ANO10: variants seen among roughly 807,000 people sequenced by gnomAD.
The protein encoded by ANO10 is anoctamin 10.
In ANO10, 77 loss-of-function variants were observed where a neutral mutation model predicts 74.7. The ratio of observed to expected loss-of-function variants is 1.03; its 90% CI spans 0.86 to 1.25. The LOEUF is 1.25. ANO10 is among the 50% of genes most tolerant of loss of function. The probability of loss-of-function intolerance (pLI) is 0.00; values close to 1 mark genes in which losing one functional copy is unlikely to be tolerated. For synonymous variants in ANO10, 279 were observed against 284.9 expected (o/e 0.98, Z 0.21); for missense variants, 721 against 778.1 (o/e 0.93, Z 0.87).
intron 11 of ANO10, among the ~76,000 whole-genome samples, chr3:43,480,195 A>T (rs1321355222): frequency 6.6e-6 from 1 of 152,348 alleles, no homozygotes; most frequent in African/African-American, 2.4e-5. Flanking sequence ...CCAAACAAAC[A>T]AGGAGACACA....
At chr3:43,574,770 G>A (rs1320533620) in intron 7 of ANO10, 39 bp downstream of exon 7, 8 of 1,515,902 alleles carry the variant, frequency 5.3e-6, no homozygotes, top group Non-Finnish European at 7.3e-6. Flanking sequence ...GTATATACCA[G>A]TTTCATAAAA....
At chr3:43,426,637 C>T (rs116247195) in intron 12 of ANO10, among the ~76,000 whole-genome samples, 1,546 of 152,242 alleles carry the variant, frequency 0.01, 24 homozygotes, top group African/African-American at 0.033. Flanking sequence ...CTCCAGGCCA[C>T]GGAGTTATCA....
At chr3:43,596,539 C>A (rs2082092873) in intron 4 of ANO10, among the ~76,000 whole-genome samples, 1 of 152,070 alleles carries the variant, frequency 6.6e-6, no homozygotes, top group Non-Finnish European at 1.5e-5. Context: ...ATAAATGGTG[C>A]TGGGAAAACT....
chr3:43,580,506 T>C, intron 4 of ANO10, 34 bp from the exon 5 acceptor site: 1 of 1,610,852 alleles, frequency 6.2e-7, no homozygotes, highest in Non-Finnish European at 8.5e-7. Context: ...CTGCATGAAA[T>C]GGACTGGAGA....
At chr3:43,689,254 A>G (rs2149586000) in intron 1 of ANO10, 1 of 152,312 alleles carries the variant, frequency 6.6e-6, no homozygotes, top group East Asian at 1.9e-4. Context: ...ATACTTACCT[A>G]CCTGCCCTTA....
At chr3:43,567,358 A>G (rs1352898292) in intron 7 of ANO10, among the ~76,000 whole-genome samples, 1 of 152,052 alleles carries the variant, frequency 6.6e-6, no homozygotes, top group Non-Finnish European at 1.5e-5. Context: ...CCTCGAGAAG[A>G]GCAACTCCAA....
intron 11 of ANO10, among the ~76,000 whole-genome samples, chr3:43,483,459 C>T (rs916092369): frequency 1.8e-4 from 27 of 152,118 alleles, no homozygotes; most frequent in Admixed American, 1.6e-3. Flanking sequence ...TGGGGTAACA[C>T]GTAACACTTG....
chr3:43,499,142 C>A (rs578102806), intron 11 of ANO10, among the ~76,000 whole-genome samples: 2 of 152,104 alleles, frequency 1.3e-5, no homozygotes, highest in Non-Finnish European at 1.5e-5. Context: ...TTGTTTTTCA[C>A]GTGTCTTCAA....
intron 4 of ANO10, among the ~76,000 whole-genome samples, chr3:43,589,361 G>A (rs2081619183): frequency 1.3e-5 from 2 of 151,562 alleles, no homozygotes; most frequent in Non-Finnish European, 2.9e-5. Flanking sequence ...ACATCATGCT[G>A]AATGCTCAAT....
chr3:43,418,595 T>C (rs554903813), intron 12 of ANO10, among the ~76,000 whole-genome samples: 195 of 152,376 alleles, frequency 1.3e-3, no homozygotes, highest in African/African-American at 4.6e-3. Context: ...ACAGTTCATC[T>C]GTCACCCAGC....
intron 2 of ANO10, among the ~76,000 whole-genome samples, chr3:43,600,836 G>A (rs188693469): frequency 1.2e-4 from 18 of 152,136 alleles, no homozygotes; most frequent in Admixed American, 1.2e-3. Context: ...TAGATGAGAC[G>A]AGAATTCAAT....
intron 12 of ANO10, among the ~76,000 whole-genome samples, chr3:43,383,219 C>A (rs2092018764): frequency 6.6e-6 from 1 of 152,034 alleles, no homozygotes; most frequent in African/African-American, 2.4e-5. Context: ...TTTGGGAGGC[C>A]AAGGCGGGCA....
At chr3:43,653,837 C>T (rs527246144) in intron 1 of ANO10, among the ~76,000 whole-genome samples, 11 of 152,140 alleles carry the variant, frequency 7.2e-5, no homozygotes, top group Admixed American at 2.6e-4. Flanking sequence ...TCTATCCCTT[C>T]GGACAGAAGT....
intron 11 of ANO10, among the ~76,000 whole-genome samples, chr3:43,494,523 C>T (rs1055657623): frequency 6.6e-6 from 1 of 152,016 alleles, no homozygotes; most frequent in Non-Finnish European, 1.5e-5. Flanking sequence ...AAAACATTAT[C>T]CTCATTTGCA....
At chr3:43,373,406 G>A (rs764167938) in intron 12 of ANO10, among the ~76,000 whole-genome samples, 1 of 151,832 alleles carries the variant, frequency 6.6e-6, no homozygotes, top group Non-Finnish European at 1.5e-5. Context: ...AAAGGCTCCC[G>A]CTCACACAAC....
chr3:43,417,324 G>A (rs1212347860), intron 12 of ANO10, among the ~76,000 whole-genome samples: 1 of 152,162 alleles, frequency 6.6e-6, no homozygotes, highest in African/African-American at 2.4e-5. Flanking sequence ...CGCTGGCCAA[G>A]GGGAAAGTTT....
intron 7 of ANO10, among the ~76,000 whole-genome samples, chr3:43,573,807 CA>C (rs1175306155): frequency 2.6e-5 from 4 of 151,934 alleles, no homozygotes; most frequent in African/African-American, 2.4e-5. Context: ...GGAAATCTAA[CA>C]AAAAAAATTT....
intron 7 of ANO10, among the ~76,000 whole-genome samples, chr3:43,574,315 A>G (rs1390257446): frequency 4.3e-5 from 6 of 138,780 alleles, no homozygotes; most frequent in South Asian, 2.3e-4. Context: ...CTGTCACCCA[A>G]GCTGGAGTGC....
chr3:43,472,383 A>ACCCCTTAAAATTTTTAAAAT (rs1553680499), intron 11 of ANO10: 7 of 151,500 alleles, frequency 4.6e-5, no homozygotes, highest in African/African-American at 1.5e-4. Flanking sequence ...TTTTTTAAAA[A>ACCCCTTAAAATTTTTAAAAT]ACCCTTAAAA....
Sources: allele counts gnomAD v4.1 joint callset (sites outside exome capture counted in the v4.1 genomes callset), GRCh38; gene constraint gnomAD v4.1.1; transcripts MANE v1.5; gene names NCBI Gene and HGNC (gene_info 2026-07-23, HGNC 2026-07-21).